The following SEC16B variants were observed in gnomAD, a reference collection of about 807,000 sequenced individuals.
The protein encoded by SEC16B is protein transport protein Sec16B.
Under a neutral mutation model 141.8 loss-of-function variants are expected in SEC16B, and 115 were observed. The observed-to-expected ratio is 0.81, with a 90% CI of 0.70 to 0.95. The LOEUF (loss-of-function observed/expected upper bound fraction) is 0.95, where lower values mean the gene tolerates loss of function less well. Among genes scored for constraint, SEC16B ranks in the 40% least tolerant of loss-of-function variants. SEC16B has a pLI of 0.00. For synonymous variants in SEC16B, 493 were observed against 492.5 expected, an observed-to-expected ratio of 1.00 and a Z score of -0.01; for missense variants, 1,291 against 1,312.3, an observed-to-expected ratio of 0.98 and a Z score of 0.25.
intron 1 of SEC16B, among the ~76,000 whole-genome samples, chr1:177,982,955 C>A (rs143277968): frequency 2.6e-5 from 4 of 152,262 alleles, no homozygotes; most frequent in African/African-American, 9.6e-5. Flanking sequence ...TTCTCAAAAG[C>A]AACCTTTCCA....
intron 15 of SEC16B, among the ~76,000 whole-genome samples, chr1:177,944,178 G>A (rs1651493151): frequency 6.6e-6 from 1 of 152,192 alleles, no homozygotes; most frequent in African/African-American, 2.4e-5. Context: ...CAGACACTGG[G>A]CTGGGCCTGC....
upstream of SEC16B, among the ~76,000 whole-genome samples, chr1:177,974,641 A>C (rs1229170721): frequency 6.6e-6 from 1 of 152,200 alleles, no homozygotes. Context: ...TGGTCAAGGG[A>C]GTGAGGGATT....
rs1464549562 is a variant in SEC16B, at chr1:177,932,734, G to A, written c.2896C>T (p.Pro966Ser). ...LSLTPSPESP[P>S]LPDVSAFSRG... ...GAGAAGGCACTAACATCCGGCAGAG[G>A]TGGGGACTCAGGGGAAGGTGTCAGT... The change falls in exon 23 of 26, where the codon CCT (proline) becomes TCT (serine). Residue 966 changes from proline (P) to serine (S), a missense_variant. Physicochemically the swap from Pro to Ser is moderately conservative, Grantham distance 74 (BLOSUM62 -1). Coordinates refer to ENST00000308284, the MANE Select transcript of SEC16B (RefSeq NM_033127.4). 1.2e-6 allele frequency: 2 copies of A among 1,608,850 alleles called. No homozygotes were observed. The highest frequency in any genetic ancestry group is 2.7e-5 in the African/African-American group (2 of 74,890).
upstream of SEC16B, among the ~76,000 whole-genome samples, chr1:177,973,666 G>A (rs1654052227): frequency 6.6e-6 from 1 of 152,042 alleles, no homozygotes; most frequent in African/African-American, 2.4e-5. Flanking sequence ...AGTGTTTATT[G>A]AACACCTACT....
chr1:177,956,986 G>A (rs1652655857), intron 10 of SEC16B, among the ~76,000 whole-genome samples: 1 of 152,056 alleles, frequency 6.6e-6, no homozygotes, highest in African/African-American at 2.4e-5. Flanking sequence ...TTAATGATGG[G>A]TTTATTGGGA....
chr1:177,971,481 T>C (rs1231759777), upstream of SEC16B: 5 of 152,202 alleles, frequency 3.3e-5, no homozygotes, highest in Admixed American at 3.3e-4. Flanking sequence ...GAGAAGAACA[T>C]GCACATTAAC....
At chr1:177,941,292 C>G (rs1032997017) in intron 16 of SEC16B, among the ~76,000 whole-genome samples, 1 of 152,184 alleles carries the variant, frequency 6.6e-6, no homozygotes. Context: ...CTCACCACCA[C>G]AAATTTTATA....
At chr1:177,958,537 G>A (rs1394818856) in intron 9 of SEC16B, 175 bp from the exon 10 acceptor site, 3 of 605,596 alleles carry the variant, frequency 5.0e-6, no homozygotes, top group African/African-American at 1.9e-5. Flanking sequence ...TCACTATCAT[G>A]GTTATTTTCT....
At chr1:177,930,947 CA>C (rs1357100059) in intron 24 of SEC16B, among the ~76,000 whole-genome samples, 2 of 152,032 alleles carry the variant, frequency 1.3e-5, no homozygotes, top group African/African-American at 4.8e-5. Context: ...TAGATGTTGG[CA>C]AAAGGGGACA....
At chr1:177,963,430 C>T (rs1321253127) in intron 5 of SEC16B, among the ~76,000 whole-genome samples, 5 of 151,906 alleles carry the variant, frequency 3.3e-5, no homozygotes, top group South Asian at 2.1e-4. Flanking sequence ...TGGTGAAACC[C>T]GGTCTCTACT....
chr1:177,958,442 A>C, intron 9 of SEC16B, 80 bp from the exon 10 acceptor site: 3 of 1,187,026 alleles, frequency 2.5e-6, no homozygotes, highest in Non-Finnish European at 3.5e-6. Context: ...GGAAGGCACC[A>C]GGGAGCCTGC....
At chr1:177,978,535 T>A (rs567609558) in intron 1 of SEC16B, among the ~76,000 whole-genome samples, 5 of 151,956 alleles carry the variant, frequency 3.3e-5, no homozygotes, top group Admixed American at 3.3e-4. Context: ...TAAGACCCTG[T>A]CTCTACAAAA....
rs778788813 is a variant in SEC16B at position 177,964,255 on chromosome 1, T to A, written c.558A>T (p.Lys186Asn). The A allele has an allele frequency of 6.8e-6, 11 of 1,613,308 alleles. No homozygotes were observed. The Admixed American group carries it at 8.3e-5, about 12-fold the overall frequency. The change falls in exon 5 of 26, where the codon AAA becomes AAT. Residue 186 changes from lysine (K) to asparagine (N), a missense_variant. By Grantham distance (94) the Lys-to-Asn change is moderately conservative. This residue lies in a region of SEC16B where 681 missense variants were observed against 675.5 expected (regional missense o/e 1.01). Transcript: ENST00000308284. Reference protein sequence around the residue: ...HFQSNSRNPCKDSPASNSGQE... With the variant: ...HFQSNSRNPCNDSPASNSGQE... The stretch of plus-strand genomic sequence containing the variant: ...GTCCAGAGTTGGAAGCAGGGCTGTC[T>A]TTACAAGGGTTCCTACTGTTAGATC...
chr1:177,977,203 C>T (rs1654202254), intron 1 of SEC16B, among the ~76,000 whole-genome samples: 1 of 152,134 alleles, frequency 6.6e-6, no homozygotes, highest in Admixed American at 6.6e-5. Flanking sequence ...CCTGTACCCC[C>T]AGAAGTCACT....
intron 10 of SEC16B, among the ~76,000 whole-genome samples, chr1:177,955,224 G>A (rs947469939): frequency 2.7e-4 from 41 of 152,122 alleles, no homozygotes; most frequent in African/African-American, 8.7e-4. Context: ...GGCCCGGTGC[G>A]GTGGCTCACA....
chr1:177,979,507 A>C (rs1009271672), intron 1 of SEC16B, among the ~76,000 whole-genome samples: 1 of 152,236 alleles, frequency 6.6e-6, no homozygotes, highest in Admixed American at 6.5e-5. Flanking sequence ...GCTCCCCAGC[A>C]GTGCTGTTCT....
upstream of SEC16B, among the ~76,000 whole-genome samples, chr1:177,972,313 T>C (rs1653994887): frequency 6.6e-6 from 1 of 152,178 alleles, no homozygotes; most frequent in South Asian, 2.1e-4. Context: ...GGATTTATCA[T>C]TTCCTACCTT....
At chr1:177,950,774 G>A (rs915497545) in intron 12 of SEC16B, among the ~76,000 whole-genome samples, 1 of 151,544 alleles carries the variant, frequency 6.6e-6, no homozygotes, top group Non-Finnish European at 1.5e-5. Context: ...AAAAAGTAGG[G>A]GGAAATTGAA....
chr1:177,967,932 G>A lies in SEC16B; in HGVS notation c.50C>T (p.Thr17Ile). ...QRLPQTRGKA[T>I]APSKDPDRGF... ...TCGGTCTGGATCCTTTGAGGGTGCT[G>A]TGGCCTTCCCTCGTGTCTGGGGCAG... Residue 17 changes from threonine (T) to isoleucine (I), a missense_variant, in exon 2 of 26, where the codon ACA (threonine) becomes ATA (isoleucine). Thr to Ile is a moderately conservative substitution (Grantham distance 89). Transcript: ENST00000308284. 6.2e-7 allele frequency: 1 copy of A among 1,613,730 alleles called. No individual in the cohort carries two copies. Among genetic ancestry groups the A allele is most frequent in the Non-Finnish European group, 8.5e-7 (1 of 1,179,662 alleles).
Sources: gnomAD v4.1 joint callset for allele counts (sites outside exome capture counted in the v4.1 genomes callset) on GRCh38, gnomAD v4.1.1 for gene constraint, gnomAD v4.1.1 regional missense constraint, MANE v1.5 for transcripts, NCBI Gene and HGNC (gene_info 2026-07-23, HGNC 2026-07-21) for gene names.